Variants in EPB41L2 observed in about 807,000 individuals in gnomAD.
EPB41L2 encodes the protein erythrocyte membrane protein band 4.1 like 2, also known as band 4.1-like protein 2.
Under a neutral mutation model 113.0 loss-of-function variants are expected in EPB41L2, and 43 were observed. The observed-to-expected ratio is 0.38, with a 90% CI of 0.30 to 0.49. The LOEUF (loss-of-function observed/expected upper bound fraction) is 0.49, where lower values mean the gene tolerates loss of function less well. Ranked by LOEUF, EPB41L2 falls within the 20% of genes least tolerant of loss-of-function variation. The pLI, the probability that EPB41L2 is intolerant of heterozygous loss-of-function variation, is 0.95. For missense variants in EPB41L2, 1,147 were observed against 1,223.4 expected, an observed-to-expected ratio of 0.94 and a Z score of 0.93; for synonymous variants, 442 against 436.7, an observed-to-expected ratio of 1.01 and a Z score of -0.15.
intron 1 of EPB41L2, among the ~76,000 whole-genome samples, chr6:130,989,107 A>T (rs1000788450): frequency 2.0e-5 from 3 of 152,020 alleles, no homozygotes; most frequent in Admixed American, 2.0e-4. Context: ...ACAAACAAAC[A>T]AAGAATGAAG....
intron 6 of EPB41L2, among the ~76,000 whole-genome samples, chr6:130,903,835 T>A (rs1033634128): frequency 6.6e-6 from 1 of 152,226 alleles, no homozygotes; most frequent in African/African-American, 2.4e-5. Context: ...AAGGTACTTG[T>A]TGATTCACAA....
rs1339935546 is a variant in EPB41L2, at chr6:131,023,741, A to ATC, written c.-15+39413_-15+39414insGA. On this transcript the variant is annotated intron_variant, in intron 1 of 19. Coordinates refer to ENST00000337057, the MANE Select transcript of EPB41L2 (RefSeq NM_001431.4). Reference sequence around the variant, plus strand: ...TGTGTGTGTGTGTGTATATATATCTATATATCTATATATAGATATATAGAT... The same window carrying ATC: ...TGTGTGTGTGTGTGTATATATATCTATCTATATCTATATATAGATATATAGAT... 1.6e-3 allele frequency among the ~76,000 whole-genome samples: 164 copies of ATC among 104,006 alleles called. 1 individual carries two copies. The highest frequency in any genetic ancestry group is 2.9e-3 in the Non-Finnish European group (128 of 44,250). The allele number at this position is 104,006 out of a possible 152,430, so 68.2% of individuals were successfully genotyped here.
chr6:130,955,975 C>T lies in EPB41L2; in HGVS notation c.492+19G>A, dbSNP rs1324957740. On this transcript the variant is annotated intron_variant, in intron 2 of 19. Transcript: ENST00000337057. ...ACGCTATCAGGTTTTCATTTCCAGG[C>T]AATTATTCCCAAACATACCTGCATC... The T allele has an allele frequency of 6.3e-7, 1 of 1,591,860 alleles. No homozygotes were observed. The highest frequency in any genetic ancestry group is 1.4e-5 in the African/African-American group (1 of 73,502).
intron 3 of EPB41L2, among the ~76,000 whole-genome samples, chr6:130,934,135 A>G (rs1213602570): frequency 6.6e-6 from 1 of 152,220 alleles, no homozygotes; most frequent in East Asian, 1.9e-4. Flanking sequence ...ACCATACGGA[A>G]GAAGAGAGAG....
chr6:131,049,526 G>T (rs1430831681), intron 1 of EPB41L2, among the ~76,000 whole-genome samples: 4 of 152,160 alleles, frequency 2.6e-5, no homozygotes, highest in African/African-American at 9.7e-5. Flanking sequence ...TAGACACTTA[G>T]TAGCTTTTCT....
In EPB41L2 at chr6:130,919,579, T is replaced by C. The variant is rs143020157; in HGVS notation, c.810+7026A>G. Among the ~76,000 whole-genome samples the C allele has an allele frequency of 3.5e-4, 53 of 152,258 alleles. 2 individuals carry two copies. In the East Asian group the frequency reaches 0.01, roughly 29 times the overall value. ...CTTTGCCCCAGCCACGTTCTCCCAATGTATCAGCCTATTACAGCTTCAGTA... is the reference window on the plus strand; with the variant it reads ...CTTTGCCCCAGCCACGTTCTCCCAACGTATCAGCCTATTACAGCTTCAGTA... On this transcript the variant is annotated intron_variant, in intron 4 of 19. Transcript: ENST00000337057.
chr6:131,031,986 A>C lies in EPB41L2; in HGVS notation c.-15+31169T>G, dbSNP rs74993167. Among the ~76,000 whole-genome samples, 106 of 152,350 alleles carry C rather than the reference A, an allele frequency of 7.0e-4. 4 individuals are homozygous for C. In the East Asian group the frequency reaches 0.019, roughly 27 times the overall value. ...AGGAAGCAAGGCATTTGTTTAAACT[A>C]TACAGCAAATTTCAAAATGGCTTCA... is the stretch of plus-strand genomic sequence containing the variant. On this transcript the variant is annotated intron_variant, in intron 1 of 19. Transcript: ENST00000337057.
intron 1 of EPB41L2, among the ~76,000 whole-genome samples, chr6:130,980,088 A>C (rs190133598): frequency 1.3e-5 from 2 of 152,356 alleles, no homozygotes; most frequent in East Asian, 3.9e-4. Flanking sequence ...GGGCAAGGGC[A>C]GATTGCTTCA....
intron 19 of EPB41L2, among the ~76,000 whole-genome samples, chr6:130,846,909 C>T (rs872576): frequency 0.24 from 36,117 of 152,146 alleles, 5,464 homozygotes; most frequent in Non-Finnish European, 0.34. Context: ...AAGTTAAATT[C>T]AATCTTACTC....
rs183879676 is a variant in EPB41L2 at position 130,924,793 on chromosome 6, C to T, written c.810+1812G>A. Among the ~76,000 whole-genome samples, 873 of 152,316 alleles carry T rather than the reference C, an allele frequency of 5.7e-3. 3 individuals carry two copies. Among genetic ancestry groups the T allele is most frequent in the Non-Finnish European group, 1.0e-2 (679 of 68,026 alleles). ...CATCTCCAGTCTCTCCACATCCTTG[C>T]CAACACTTGCTATTTTCTATTTTCA... On this transcript the variant is annotated intron_variant, in intron 4 of 19. Coordinates refer to ENST00000337057, the MANE Select transcript of EPB41L2 (RefSeq NM_001431.4).
Position 130,890,454 on chromosome 6 carries a change from T to C in EPB41L2, c.1500A>G (p.Pro500=). Residue 500 remains proline (P), a synonymous_variant, in exon 11 of 20, where the codon CCA becomes CCG. Coordinates refer to ENST00000337057, the MANE Select transcript of EPB41L2 (RefSeq NM_001431.4). ...EHHTFYRLVS[P]EQPPKAKFLT... ...GGAACTTGGCTTTTGGTGGCTGCTC[T>C]GGAGAAACAAGCCTATGGGAGGAAA... The C allele has an allele frequency of 6.3e-7, 1 of 1,597,820 alleles. No homozygotes were observed. Among genetic ancestry groups the C allele is most frequent in the Non-Finnish European group, 8.5e-7 (1 of 1,175,952 alleles).
At chr6:130,865,377 G>A (rs1435392592) in intron 17 of EPB41L2, among the ~76,000 whole-genome samples, 159 bp downstream of exon 17, 2 of 152,174 alleles carry the variant, frequency 1.3e-5, no homozygotes, top group African/African-American at 4.8e-5. Context: ...ATTTGTCAAT[G>A]GAGCCTAATT....
intron 4 of EPB41L2, among the ~76,000 whole-genome samples, chr6:130,924,466 C>T (rs1381622847): frequency 6.6e-6 from 1 of 151,988 alleles, no homozygotes; most frequent in African/African-American, 2.4e-5. Context: ...GCAACCTCTA[C>T]CTCCCGGGTT....
chr6:130,956,715 T>C (rs893194146), intron 1 of EPB41L2, among the ~76,000 whole-genome samples: 1 of 152,192 alleles, frequency 6.6e-6, no homozygotes, highest in Non-Finnish European at 1.5e-5. Context: ...AAAACTAGCA[T>C]CACAATAGAA....
chr6:131,010,232 T>C (rs911214117), intron 1 of EPB41L2, among the ~76,000 whole-genome samples: 2 of 152,086 alleles, frequency 1.3e-5, no homozygotes, highest in Non-Finnish European at 2.9e-5. Flanking sequence ...TTTCTTCAAA[T>C]TCAAGGGCCA....
chr6:130,932,820 A>G (rs1028634332), intron 3 of EPB41L2, among the ~76,000 whole-genome samples: 1 of 152,260 alleles, frequency 6.6e-6, no homozygotes, highest in African/African-American at 2.4e-5. Context: ...GAACGGCTCA[A>G]TGCCATAAGG....
chr6:130,922,715 G>T (rs1803278278), intron 4 of EPB41L2, among the ~76,000 whole-genome samples: 1 of 152,156 alleles, frequency 6.6e-6, no homozygotes, highest in Non-Finnish European at 1.5e-5. Context: ...ATGATCAGCT[G>T]TTAACAGCCA....
At chr6:130,885,313 C>T in intron 11 of EPB41L2, 45 bp from the exon 12 acceptor site, 1 of 1,597,686 alleles carries the variant, frequency 6.3e-7, no homozygotes, top group Non-Finnish European at 8.6e-7. Flanking sequence ...ACATATGAAT[C>T]ATAAACTTTA....
intron 11 of EPB41L2, among the ~76,000 whole-genome samples, chr6:130,885,974 T>C (rs963108922): frequency 6.6e-5 from 10 of 152,152 alleles, no homozygotes; most frequent in African/African-American, 2.4e-4. Context: ...TATTGAAAAT[T>C]CTGTCATAGT....
Sources: allele counts gnomAD v4.1 joint callset (sites outside exome capture counted in the v4.1 genomes callset), GRCh38; gene constraint gnomAD v4.1.1; transcripts MANE v1.5; gene names NCBI Gene and HGNC (gene_info 2026-07-23, HGNC 2026-07-21).